CA10: variants seen among roughly 807,000 people sequenced by gnomAD.
CA10 encodes carbonic anhydrase 10 (inactive), also known as carbonic anhydrase-related protein 10.
CA10 carries 14 observed loss-of-function variants against 44.2 expected under a neutral mutation model. The ratio of observed to expected loss-of-function variants is 0.32; its 90% CI spans 0.21 to 0.50. The LOEUF (loss-of-function observed/expected upper bound fraction) is 0.50, where lower values mean the gene tolerates loss of function less well. CA10 is among the 20% of genes least tolerant of loss of function. CA10 has a pLI of 0.99. For missense variants in CA10, 350 were observed against 409.7 expected (o/e 0.85, Z 1.26); for synonymous variants, 159 against 141.6 (o/e 1.12, Z -0.87).
chr17:52,085,821 G>A lies in CA10; in HGVS notation c.62-13428C>T, dbSNP rs368900091. Reference sequence around the variant, plus strand: ...TCAGACTGAACTATCTGCTCTTGGTGATGTTTGCCATGTGTTCACACTATT... The same window carrying A: ...TCAGACTGAACTATCTGCTCTTGGTAATGTTTGCCATGTGTTCACACTATT... On this transcript the variant is annotated intron_variant, in intron 1 of 8. Coordinates refer to ENST00000451037, the MANE Select transcript of CA10 (RefSeq NM_020178.5). Among the ~76,000 whole-genome samples the A allele has an allele frequency of 3.3e-5, 5 of 152,164 alleles. No individual in the cohort carries two copies. The South Asian group carries it at 6.2e-4, about 19-fold the overall frequency.
At chr17:52,149,605 A>T (rs376884572) in intron 1 of CA10, among the ~76,000 whole-genome samples, 1 of 152,248 alleles carries the variant, frequency 6.6e-6, no homozygotes, top group Non-Finnish European at 1.5e-5. Context: ...ACTGCAAAAA[A>T]GTTACAGAAA....
At chr17:52,117,457 T>C (rs1449244809) in intron 1 of CA10, among the ~76,000 whole-genome samples, 1 of 152,076 alleles carries the variant, frequency 6.6e-6, no homozygotes, top group Non-Finnish European at 1.5e-5. Context: ...GAGATTGGGA[T>C]TTTTTTTCTT....
intron 2 of CA10, among the ~76,000 whole-genome samples, chr17:52,053,301 G>T: frequency 6.6e-6 from 1 of 151,966 alleles, no homozygotes; most frequent in Admixed American, 6.6e-5. Context: ...AATACCAACT[G>T]AGCTCTTTGT....
intron 2 of CA10, among the ~76,000 whole-genome samples, chr17:51,971,075 C>G (rs1213562385): frequency 6.6e-6 from 1 of 151,936 alleles, no homozygotes; most frequent in East Asian, 1.9e-4. Flanking sequence ...AAAGAAATTC[C>G]AGATCAGACT....
intron 4 of CA10, among the ~76,000 whole-genome samples, chr17:51,688,209 G>A (rs561175082): frequency 1.3e-5 from 2 of 152,270 alleles, no homozygotes; most frequent in South Asian, 4.1e-4. Flanking sequence ...CCCCAGTCAA[G>A]CCTTCAGATG....
intron 2 of CA10, among the ~76,000 whole-genome samples, chr17:51,980,837 G>A (rs1474649334): frequency 6.6e-6 from 1 of 152,194 alleles, no homozygotes. Context: ...TAGGTGTGCA[G>A]CATCATTTCT....
At chr17:51,761,810 C>T (rs1375087339) in intron 3 of CA10, 1 of 152,106 alleles carries the variant, frequency 6.6e-6, no homozygotes, top group African/African-American at 2.4e-5. Context: ...TAGACATCAT[C>T]CACAACCAAA....
chr17:51,634,690 A>C (rs1029859501), intron 7 of CA10, among the ~76,000 whole-genome samples: 2 of 152,194 alleles, frequency 1.3e-5, no homozygotes, highest in African/African-American at 4.8e-5. Flanking sequence ...GATCCAAAAA[A>C]AACACTGCAC....
intron 3 of CA10, among the ~76,000 whole-genome samples, chr17:51,807,965 C>T (rs1302316590): frequency 1.3e-5 from 2 of 152,164 alleles, no homozygotes; most frequent in Non-Finnish European, 2.9e-5. Context: ...AATATATCCT[C>T]TTAAGATCTG....
chr17:52,153,109 C>T (rs947509447), intron 1 of CA10, among the ~76,000 whole-genome samples: 1 of 152,126 alleles, frequency 6.6e-6, no homozygotes, highest in Non-Finnish European at 1.5e-5. Flanking sequence ...CCCCTCTCCC[C>T]AGCCAAGGGA....
At chr17:51,817,156 T>C (rs569242755) in intron 3 of CA10, among the ~76,000 whole-genome samples, 5 of 152,306 alleles carry the variant, frequency 3.3e-5, no homozygotes, top group Non-Finnish European at 7.4e-5. Context: ...AGAACTGGTA[T>C]GGAAATGCAC....
chr17:51,814,729 A>G lies in CA10; in HGVS notation c.280-66911T>C, dbSNP rs140710368. On this transcript the variant is annotated intron_variant, in intron 3 of 8. Coordinates refer to ENST00000451037, the MANE Select transcript of CA10 (RefSeq NM_020178.5). ...AACCAGTTCTTCTGTTTCTGAGTCA[A>G]TGTGAAACATTTTACAGCCCTCTGT... is the stretch of plus-strand genomic sequence containing the variant. Among the ~76,000 whole-genome samples the G allele has an allele frequency of 1.8e-3, 267 of 152,306 alleles. 3 individuals are homozygous for G. The highest frequency in any genetic ancestry group is 6.2e-3 in the African/African-American group (258 of 41,568).
At chr17:52,116,381 T>A (rs976962480) in intron 1 of CA10, among the ~76,000 whole-genome samples, 7 of 152,084 alleles carry the variant, frequency 4.6e-5, no homozygotes, top group Non-Finnish European at 1.0e-4. Flanking sequence ...TGAAACCCCA[T>A]GAGACACATT....
intron 3 of CA10, among the ~76,000 whole-genome samples, chr17:51,900,200 G>A (rs552001800): frequency 1.5e-3 from 226 of 152,090 alleles, no homozygotes; most frequent in African/African-American, 5.4e-3. Context: ...ATTCCCTTAA[G>A]GACCTCTTAT....
intron 4 of CA10, among the ~76,000 whole-genome samples, chr17:51,686,658 G>A (rs1267674839): frequency 1.3e-5 from 2 of 152,140 alleles, no homozygotes. Context: ...ATGCAGTTAA[G>A]TTTGAGATTA....
chr17:51,806,922 C>T (rs529890034), intron 3 of CA10, among the ~76,000 whole-genome samples: 1 of 152,318 alleles, frequency 6.6e-6, no homozygotes, highest in East Asian at 1.9e-4. Flanking sequence ...TAAGAGTTCC[C>T]TTGAGAGTGA....
At position 51,812,650 on chromosome 17, in the gene CA10, T is replaced by A. The variant is rs553941268; in HGVS notation, c.280-64832A>T. On this transcript the variant is annotated intron_variant, in intron 3 of 8. Transcript: ENST00000451037. The stretch of plus-strand genomic sequence containing the variant: ...GTAATTGATGGAGAAGGAAATTAAT[T>A]ATCTAAACTCTTCTCCTGCCCTCTG... 7.2e-5 allele frequency among the ~76,000 whole-genome samples: 11 copies of A among 152,348 alleles called. No homozygotes were observed. In the South Asian group the frequency reaches 1.0e-3, roughly 14 times the overall value.
At chr17:52,085,641 C>T (rs1988097402) in intron 1 of CA10, among the ~76,000 whole-genome samples, 1 of 152,210 alleles carries the variant, frequency 6.6e-6, no homozygotes. Context: ...TTTCTCTGTG[C>T]TCTCATGGCA....
chr17:51,946,217 A>G (rs1983266519), intron 2 of CA10, among the ~76,000 whole-genome samples: 3 of 152,156 alleles, frequency 2.0e-5, no homozygotes, highest in Admixed American at 6.5e-5. Flanking sequence ...TAAGTTCCAG[A>G]AATCTATTTT....
Sources: gnomAD v4.1 joint callset for allele counts (sites outside exome capture counted in the v4.1 genomes callset) on GRCh38, gnomAD v4.1.1 for gene constraint, MANE v1.5 for transcripts, NCBI Gene and HGNC (gene_info 2026-07-23, HGNC 2026-07-21) for gene names.